Variants in ADAMTSL3 observed in about 807,000 individuals in gnomAD.
The protein encoded by ADAMTSL3 is ADAMTS-like protein 3.
ADAMTSL3 carries 128 observed loss-of-function variants against 201.7 expected under a neutral mutation model. That is an observed-to-expected ratio of 0.63 (90% confidence interval 0.55 to 0.73). The LOEUF is 0.73. Among genes scored for constraint, ADAMTSL3 ranks in the 30% least tolerant of loss-of-function variants. ADAMTSL3 has a pLI of 0.00. For missense variants in ADAMTSL3, 1,990 were observed against 2,119.6 expected, an observed-to-expected ratio of 0.94 and a Z score of 1.20; for synonymous variants, 738 against 748.4, an observed-to-expected ratio of 0.99 and a Z score of 0.23.
intron 7 of ADAMTSL3, among the ~76,000 whole-genome samples, chr15:83,858,049 A>T (rs1427690027): frequency 2.0e-5 from 3 of 152,234 alleles, no homozygotes; most frequent in African/African-American, 7.2e-5. Context: ...TAGGCCAAGG[A>T]TCATGAAATT....
chr15:83,741,133 A>G (rs1022108223), intron 3 of ADAMTSL3, among the ~76,000 whole-genome samples: 2 of 151,882 alleles, frequency 1.3e-5, no homozygotes, highest in African/African-American at 4.8e-5. Flanking sequence ...ACAGAAAAAT[A>G]AAATTATACT....
intron 2 of ADAMTSL3, among the ~76,000 whole-genome samples, chr15:83,671,287 C>T (rs2061325958): frequency 6.6e-6 from 1 of 152,058 alleles, no homozygotes; most frequent in African/African-American, 2.4e-5. Context: ...ATAAAGAGGG[C>T]ACAGAACTTT....
intron 12 of ADAMTSL3, 70 bp from the exon 13 acceptor site, chr15:83,892,614 T>C: frequency 3.4e-6 from 5 of 1,481,288 alleles, no homozygotes; most frequent in Non-Finnish European, 4.6e-6. Context: ...GCCATACTTT[T>C]TGCCACCATC....
At chr15:83,841,574 C>T (rs570788250) in intron 7 of ADAMTSL3, among the ~76,000 whole-genome samples, 1 of 152,010 alleles carries the variant, frequency 6.6e-6, no homozygotes, top group Non-Finnish European at 1.5e-5. Context: ...AGCGTAGTAA[C>T]TAGAGAGTAC....
intron 3 of ADAMTSL3, among the ~76,000 whole-genome samples, chr15:83,733,786 T>C (rs1230742274): frequency 6.6e-6 from 1 of 152,176 alleles, no homozygotes; most frequent in Non-Finnish European, 1.5e-5. Flanking sequence ...GGGGACATGA[T>C]CCTGAATTTC....
chr15:83,921,005 C>A (rs185129082), intron 16 of ADAMTSL3, among the ~76,000 whole-genome samples: 2 of 152,206 alleles, frequency 1.3e-5, no homozygotes, highest in African/African-American at 4.8e-5. Flanking sequence ...AATTTAGATT[C>A]ACTTGGGACA....
chr15:83,708,180 A>G (rs1219676575), intron 3 of ADAMTSL3, among the ~76,000 whole-genome samples: 1 of 152,186 alleles, frequency 6.6e-6, no homozygotes. Context: ...TACTTATGCA[A>G]TTGAGGCTGC....
At chr15:83,985,749 C>T (rs1467240176) in intron 21 of ADAMTSL3, among the ~76,000 whole-genome samples, 2 of 152,108 alleles carry the variant, frequency 1.3e-5, no homozygotes, top group Non-Finnish European at 2.9e-5. Context: ...TCTCCTGCTT[C>T]AGCCTCCCAA....
intron 3 of ADAMTSL3, among the ~76,000 whole-genome samples, chr15:83,725,631 CA>C (rs1481661689): frequency 2.6e-5 from 4 of 152,242 alleles, no homozygotes; most frequent in African/African-American, 9.6e-5. Flanking sequence ...CCAATATTCC[CA>C]GCATCATTTG....
At chr15:84,010,545 G>A (rs369123257) in intron 23 of ADAMTSL3, among the ~76,000 whole-genome samples, 3 of 152,156 alleles carry the variant, frequency 2.0e-5, no homozygotes, top group African/African-American at 4.8e-5. Context: ...CTATACTCAT[G>A]ATCTGCTGTG....
chr15:84,012,386 G>A (rs1300356446), intron 23 of ADAMTSL3, among the ~76,000 whole-genome samples: 1 of 152,078 alleles, frequency 6.6e-6, no homozygotes, highest in Non-Finnish European at 1.5e-5. Flanking sequence ...CTTGATAGCT[G>A]TCAGCTGAAG....
intron 15 of ADAMTSL3, among the ~76,000 whole-genome samples, chr15:83,904,730 T>G (rs1258814170): frequency 6.6e-6 from 1 of 152,214 alleles, no homozygotes; most frequent in Non-Finnish European, 1.5e-5. Flanking sequence ...AGCCTCTTCG[T>G]TTGTTTCTGT....
chr15:83,905,953 A>G (rs2065824098), intron 15 of ADAMTSL3, among the ~76,000 whole-genome samples: 1 of 151,898 alleles, frequency 6.6e-6, no homozygotes, highest in African/African-American at 2.4e-5. Context: ...TTTGCACTTA[A>G]CTTTGATCCA....
intron 8 of ADAMTSL3, among the ~76,000 whole-genome samples, chr15:83,865,010 A>C (rs2064944843): frequency 6.6e-6 from 1 of 152,214 alleles, no homozygotes; most frequent in African/African-American, 2.4e-5. Flanking sequence ...ACTCCCATTC[A>C]GAATTGCTTC....
chr15:83,735,923 G>A (rs944485706), intron 3 of ADAMTSL3, among the ~76,000 whole-genome samples: 2 of 152,072 alleles, frequency 1.3e-5, no homozygotes, highest in African/African-American at 4.8e-5. Context: ...AGAGATTTGG[G>A]AAAGATAAGC....
intron 3 of ADAMTSL3, among the ~76,000 whole-genome samples, chr15:83,769,898 C>T (rs999013084): frequency 9.4e-5 from 14 of 149,668 alleles, no homozygotes; most frequent in African/African-American, 3.5e-4. Flanking sequence ...CAGTTTCTTT[C>T]ATAAACTTTG....
chr15:83,941,406 A>C (rs1385365124), intron 17 of ADAMTSL3, among the ~76,000 whole-genome samples: 2 of 152,090 alleles, frequency 1.3e-5, no homozygotes, highest in African/African-American at 4.8e-5. Flanking sequence ...TCAGAGAAAA[A>C]ATCAGCAAGA....
intron 16 of ADAMTSL3, among the ~76,000 whole-genome samples, chr15:83,914,515 G>T (rs2065993692): frequency 6.6e-6 from 1 of 152,212 alleles, no homozygotes. Context: ...GGCTAAAGTG[G>T]CATGTGCCTT....
Position 83,983,299 on chromosome 15 carries a change from C to G in ADAMTSL3, c.3671C>G (p.Thr1224Arg). ...GACCTTATTACCCCCAGTGAGGCCA[C>G]ATATACATGGACCAAGGATGGAACC... ...LCDLITPSEA[T>R]YTWTKDGTLL... Residue 1224 changes from threonine to arginine, a missense_variant, in exon 21 of 30, where the codon ACA becomes AGA. Coordinates refer to ENST00000286744, the MANE Select transcript of ADAMTSL3 (RefSeq NM_207517.3). 1 of 1,585,410 alleles carries G rather than the reference C, an allele frequency of 6.3e-7. No individual in the cohort carries two copies. Among genetic ancestry groups the G allele is most frequent in the Non-Finnish European group, 8.6e-7 (1 of 1,166,944 alleles).
Sources: gnomAD v4.1 joint callset for allele counts (sites outside exome capture counted in the v4.1 genomes callset) on GRCh38, gnomAD v4.1.1 for gene constraint, MANE v1.5 for transcripts, NCBI Gene and HGNC (gene_info 2026-07-23, HGNC 2026-07-21) for gene names.